DTNB: variants seen among roughly 807,000 people sequenced by gnomAD.
DTNB encodes the protein DTN-B.
DTNB carries 63 observed loss-of-function variants against 90.7 expected under a neutral mutation model. The observed-to-expected ratio is 0.69, with a 90% confidence interval of 0.57 to 0.86. The LOEUF (loss-of-function observed/expected upper bound fraction) is 0.86. DTNB is among the 40% of genes least tolerant of loss of function. DTNB has a pLI of 0.00. For synonymous variants in DTNB, 277 were observed against 286.7 expected (o/e 0.97, Z 0.34); for missense variants, 744 against 807.1 (o/e 0.92, Z 0.95).
rs201387348 is a variant in DTNB, at chr2:25,564,161, A to AAT, written c.876+12675_876+12676dup. ...TGTGATCCACCTGCCTCAGCCTCCA[A>AAT]ATTTGCTTCTCTTTTTGAAGACTGC... On this transcript the variant is annotated intron_variant, in intron 8 of 20. Transcript: ENST00000406818. 7.0e-3 allele frequency among the ~76,000 whole-genome samples: 1,063 copies of AAT among 152,090 alleles called. 12 individuals are homozygous for AAT. Among genetic ancestry groups the AAT allele is most frequent in the African/African-American group, 0.022 (926 of 41,496 alleles).
intron 10 of DTNB, among the ~76,000 whole-genome samples, chr2:25,480,632 C>T (rs552939715): frequency 1.3e-5 from 2 of 152,336 alleles, no homozygotes; most frequent in South Asian, 4.1e-4. Flanking sequence ...CAGCCACATT[C>T]AGCTGTGGTC....
intron 9 of DTNB, among the ~76,000 whole-genome samples, chr2:25,501,925 C>A (rs2070815914): frequency 6.6e-6 from 1 of 152,088 alleles, no homozygotes; most frequent in Non-Finnish European, 1.5e-5. Context: ...GAGGCTCATG[C>A]ATGTAATCCC....
chr2:25,449,820 T>G (rs940907667), intron 12 of DTNB, among the ~76,000 whole-genome samples: 130 of 151,072 alleles, frequency 8.6e-4, no homozygotes, highest in African/African-American at 2.9e-3. Flanking sequence ...TGGAGTACAG[T>G]GGCGTGATCT....
chr2:25,482,954 C>T, intron 9 of DTNB, 81 bp from the exon 10 acceptor site: 1 of 1,352,456 alleles, frequency 7.4e-7, no homozygotes, highest in Non-Finnish European at 1.0e-6. Context: ...ATGGTAAGAG[C>T]AAAGGGACCA....
intron 9 of DTNB, among the ~76,000 whole-genome samples, chr2:25,504,696 T>C (rs538040531): frequency 6.6e-5 from 10 of 151,988 alleles, no homozygotes; most frequent in African/African-American, 2.4e-4. Flanking sequence ...ATACTGAAAA[T>C]TATAAAACAT....
intron 11 of DTNB, 108 bp from the exon 12 acceptor site, chr2:25,451,743 A>G: frequency 3.5e-6 from 4 of 1,132,928 alleles, no homozygotes; most frequent in Non-Finnish European, 4.7e-6. Flanking sequence ...ATGGTAATAA[A>G]AGAACTAGAG....
intron 15 of DTNB, among the ~76,000 whole-genome samples, chr2:25,425,868 A>G (rs2051391099): frequency 6.6e-6 from 1 of 152,204 alleles, no homozygotes; most frequent in South Asian, 2.1e-4. Flanking sequence ...TCAAATGCCA[A>G]CCATGCCTTT....
At chr2:25,379,244 GA>G in intron 20 of DTNB, 45 bp downstream of exon 20, 1 of 1,304,854 alleles carries the variant, frequency 7.7e-7, no homozygotes, top group Non-Finnish European at 9.8e-7. Flanking sequence ...AGATGCTGAG[GA>G]AGGAGGGAGG....
Position 25,580,757 on chromosome 2 carries a change from G to T in DTNB, c.673C>A (p.Leu225Ile), listed in dbSNP as rs2061450096. The change falls in exon 7 of 21, where the codon CTA becomes ATA. Residue 225 changes from leucine (L) to isoleucine (I), a missense_variant. By Grantham distance (5) the Leu-to-Ile change is conservative. Coordinates refer to ENST00000406818, the MANE Select transcript of DTNB (RefSeq NM_021907.5). Reference protein sequence around the residue: ...ADPPPQCLVWLPLMHRLAHVE... With the variant: ...ADPPPQCLVWIPLMHRLAHVE... ...TGGGCAAGCCTGTGCATGAGAGGTA[G>T]CCAGACAAGGCACTGGGGAGGAGGG... is the stretch of plus-strand genomic sequence containing the variant. 3 of 1,613,494 alleles carry T rather than the reference G, an allele frequency of 1.9e-6. No individual in the cohort carries two copies.
At chr2:25,420,881 G>T (rs555744834) in intron 15 of DTNB, among the ~76,000 whole-genome samples, 1 of 152,260 alleles carries the variant, frequency 6.6e-6, no homozygotes, top group South Asian at 2.1e-4. Context: ...AGACACTGCA[G>T]GAAAAAGGAT....
chr2:25,673,119 C>T (rs2086479949), intron 1 of DTNB, among the ~76,000 whole-genome samples: 1 of 151,728 alleles, frequency 6.6e-6, no homozygotes, highest in Admixed American at 6.6e-5. Context: ...CGGCGCGTTC[C>T]GGACCCCGAT....
intron 8 of DTNB, among the ~76,000 whole-genome samples, chr2:25,546,455 G>T (rs956553852): frequency 4.6e-5 from 7 of 152,306 alleles, no homozygotes; most frequent in African/African-American, 1.7e-4. Context: ...CTGGGCCACT[G>T]GAGTTTTTCT....
intron 20 of DTNB, among the ~76,000 whole-genome samples, chr2:25,378,726 G>A (rs1048311580): frequency 1.3e-5 from 2 of 152,224 alleles, no homozygotes; most frequent in East Asian, 1.9e-4. Context: ...GGAGCAGTCC[G>A]TACTTTTCTG....
At chr2:25,641,866 G>GCTC (rs1211974167) in intron 2 of DTNB, among the ~76,000 whole-genome samples, 1 of 152,122 alleles carries the variant, frequency 6.6e-6, no homozygotes, top group Non-Finnish European at 1.5e-5. Context: ...TGTCACCCAG[G>GCTC]CTGGAGTGCA....
intron 16 of DTNB, among the ~76,000 whole-genome samples, chr2:25,403,184 C>T (rs2044198440): frequency 6.6e-6 from 1 of 152,154 alleles, no homozygotes; most frequent in Non-Finnish European, 1.5e-5. Context: ...GGCGCAATCT[C>T]GGCTCACTGC....
chr2:25,425,394 C>T (rs1417883311), intron 15 of DTNB, among the ~76,000 whole-genome samples: 2 of 152,180 alleles, frequency 1.3e-5, no homozygotes, highest in African/African-American at 2.4e-5. Context: ...TACATTTATC[C>T]AAGTTGCTAA....
At chr2:25,383,940 A>G in intron 18 of DTNB, 51 bp from the exon 19 acceptor site, 1 of 1,613,768 alleles carries the variant, frequency 6.2e-7, no homozygotes, top group Non-Finnish European at 8.5e-7. Flanking sequence ...CAGGACAAGT[A>G]CAGAAGGAGG....
At chr2:25,433,535 T>C (rs2054654374) in intron 13 of DTNB, among the ~76,000 whole-genome samples, 1 of 152,086 alleles carries the variant, frequency 6.6e-6, no homozygotes. Flanking sequence ...TTTTTTTTTT[T>C]TTAAGGAGAG....
At chr2:25,482,614 T>C (rs1223114184) in intron 10 of DTNB, among the ~76,000 whole-genome samples, 182 bp downstream of exon 10, 1 of 151,704 alleles carries the variant, frequency 6.6e-6, no homozygotes, top group Non-Finnish European at 1.5e-5. Context: ...TGTGAGTCGG[T>C]GGGGGAAAAA....
Sources: allele counts gnomAD v4.1 joint callset (sites outside exome capture counted in the v4.1 genomes callset), GRCh38; gene constraint gnomAD v4.1.1; transcripts MANE v1.5; gene names NCBI Gene and HGNC (gene_info 2026-07-23, HGNC 2026-07-21).